Variants in GLIS3 observed in about 807,000 individuals in gnomAD.
GLIS3 encodes GLIS family zinc finger 3, also known as zinc finger protein GLIS3.
In GLIS3, 53 loss-of-function variants were observed where a neutral mutation model predicts 78.6. The observed-to-expected ratio is 0.67, with a 90% CI of 0.54 to 0.85. The LOEUF (loss-of-function observed/expected upper bound fraction) is 0.85. Among genes scored for constraint, GLIS3 ranks in the 40% least tolerant of loss-of-function variants. GLIS3 has a pLI of 0.00. For synonymous variants in GLIS3, 684 were observed against 509.9 expected (o/e 1.34, Z -4.60); for missense variants, 1,703 against 1,231.1 (o/e 1.38, Z -5.74).
intron 4 of GLIS3, among the ~76,000 whole-genome samples, chr9:4,308,366 G>C (rs1817282315): frequency 6.6e-6 from 1 of 152,142 alleles, no homozygotes. Context: ...CAGAGGGAAG[G>C]AATGAAGGAG....
chr9:3,850,965 G>A (rs574968520), intron 9 of GLIS3, among the ~76,000 whole-genome samples: 2 of 152,168 alleles, frequency 1.3e-5, no homozygotes, highest in Non-Finnish European at 2.9e-5. Context: ...GAATAAATCA[G>A]GTGCCTTTTG....
In GLIS3 at chr9:3,828,368, C is replaced by G. The variant is rs778060706; in HGVS notation, c.2697G>C (p.Glu899Asp). 7 of 1,613,844 alleles carry G rather than the reference C, an allele frequency of 4.3e-6. No individual in the cohort carries two copies. Among genetic ancestry groups the G allele is most frequent in the East Asian group, 4.5e-5 (2 of 44,872 alleles). ...LPSSSSSLFG[E>D]SLRSGAEDAT... is the part of the protein sequence containing the mutation. ...CATCTTCAGCCCCGCTGCGGAGAGACTCCCCAAAGAGGCTCGAGGAACTTG... is the reference window on the plus strand; with the variant it reads ...CATCTTCAGCCCCGCTGCGGAGAGAGTCCCCAAAGAGGCTCGAGGAACTTG... Residue 899 changes from glutamate (E) to aspartate (D), a missense_variant, in exon 11 of 11, where the codon GAG becomes GAC. Physicochemically the swap from Glu to Asp is conservative, Grantham distance 45 (BLOSUM62 2). Coordinates refer to ENST00000381971, the MANE Select transcript of GLIS3 (RefSeq NM_001042413.2).
chr9:4,424,724 T>C, the GLIS3 span, among the ~76,000 whole-genome samples: 1 of 152,146 alleles, frequency 6.6e-6, no homozygotes, highest in African/African-American at 2.4e-5. Context: ...CCCTCATGCC[T>C]GGCTAATGTT....
the GLIS3 span, among the ~76,000 whole-genome samples, chr9:4,400,030 G>C: frequency 2.6e-5 from 4 of 152,208 alleles, no homozygotes; most frequent in East Asian, 5.8e-4. Flanking sequence ...CAAGGCCACA[G>C]GGCAAGCAGG....
At chr9:3,950,573 T>G (rs1307343069) in intron 4 of GLIS3, among the ~76,000 whole-genome samples, 2 of 152,254 alleles carry the variant, frequency 1.3e-5, no homozygotes, top group African/African-American at 4.8e-5. Flanking sequence ...TGTTTCCTTC[T>G]TATTTGCCTG....
the GLIS3 span, among the ~76,000 whole-genome samples, chr9:4,423,456 C>G: frequency 5.9e-5 from 9 of 152,176 alleles, no homozygotes; most frequent in East Asian, 1.4e-3. Context: ...ACCCCTCCCC[C>G]AGACCTTTAG....
At chr9:4,091,942 A>C (rs1252402174) in intron 4 of GLIS3, among the ~76,000 whole-genome samples, 1 of 152,156 alleles carries the variant, frequency 6.6e-6, no homozygotes, top group African/African-American at 2.4e-5. Flanking sequence ...ATAAAAAAAA[A>C]TGATACACTT....
At chr9:4,024,228 A>G (rs1823122047) in intron 4 of GLIS3, among the ~76,000 whole-genome samples, 2 of 152,312 alleles carry the variant, frequency 1.3e-5, no homozygotes, top group Middle Eastern at 6.8e-3. Context: ...GAGACTGTAC[A>G]GTGAATTAAA....
chr9:4,458,272 G>A, the GLIS3 span, among the ~76,000 whole-genome samples: 461 of 152,310 alleles, frequency 3.0e-3, 4 homozygotes, highest in African/African-American at 0.011. Context: ...GGGCCCAACT[G>A]CATGGCATGC....
At chr9:4,339,252 T>C (rs117607976) in intron 2 of GLIS3, among the ~76,000 whole-genome samples, 1 of 152,312 alleles carries the variant, frequency 6.6e-6, no homozygotes, top group Non-Finnish European at 1.5e-5. Flanking sequence ...CTGAAGTGAA[T>C]TGATCTGTTG....
chr9:4,108,080 G>C (rs1830914068), intron 4 of GLIS3, among the ~76,000 whole-genome samples: 1 of 152,148 alleles, frequency 6.6e-6, no homozygotes, highest in East Asian at 1.9e-4. Flanking sequence ...AAGAGAGTCT[G>C]AATCTCAAAT....
At chr9:3,896,410 AT>A (rs1201421244) in intron 7 of GLIS3, among the ~76,000 whole-genome samples, 64 of 152,216 alleles carry the variant, frequency 4.2e-4, no homozygotes, top group African/African-American at 1.5e-3. Flanking sequence ...CATGCCTGTA[AT>A]CCCAGCACTT....
At chr9:3,922,411 C>T (rs531052691) in intron 6 of GLIS3, among the ~76,000 whole-genome samples, 1 of 152,298 alleles carries the variant, frequency 6.6e-6, no homozygotes, top group African/African-American at 2.4e-5. Context: ...ACAAGACTTA[C>T]AATCAATGGT....
chr9:4,059,856 G>GAGAGAGAGAGAC (rs1563998489), intron 4 of GLIS3, among the ~76,000 whole-genome samples: 3 of 151,326 alleles, frequency 2.0e-5, no homozygotes, highest in African/African-American at 7.3e-5. Context: ...GAGAGAGAGA[G>GAGAGAGAGAGAC]AGAGAGAGAG....
chr9:4,254,848 A>G (rs2129926133), intron 2 of GLIS3, among the ~76,000 whole-genome samples: 1 of 152,088 alleles, frequency 6.6e-6, no homozygotes, highest in African/African-American at 2.4e-5. Flanking sequence ...TCAAAAAAAA[A>G]AAAAAAAGAA....
chr9:4,448,023 A>G, the GLIS3 span, among the ~76,000 whole-genome samples: 2 of 152,160 alleles, frequency 1.3e-5, no homozygotes, highest in African/African-American at 2.4e-5. Flanking sequence ...AAGAGTTGAG[A>G]TTACAGTCAT....
At chr9:4,365,132 G>C in the GLIS3 span, among the ~76,000 whole-genome samples, 1 of 151,776 alleles carries the variant, frequency 6.6e-6, no homozygotes, top group Non-Finnish European at 1.5e-5. Flanking sequence ...TCAGAAAACA[G>C]TACTTCCAGT....
intron 4 of GLIS3, among the ~76,000 whole-genome samples, chr9:4,107,546 ACT>A (rs1212189385): frequency 4.6e-5 from 7 of 151,786 alleles, no homozygotes; most frequent in African/African-American, 1.5e-4. Context: ...CAAGAAATAA[ACT>A]CTTATCATAG....
At chr9:3,888,371 C>G (rs775943334) in intron 7 of GLIS3, among the ~76,000 whole-genome samples, 2 of 152,216 alleles carry the variant, frequency 1.3e-5, no homozygotes, top group African/African-American at 4.8e-5. Flanking sequence ...CCCACCCACT[C>G]TACTTTCACG....
Sources: gnomAD v4.1 joint callset for allele counts (sites outside exome capture counted in the v4.1 genomes callset) on GRCh38, gnomAD v4.1.1 for gene constraint, MANE v1.5 for transcripts, NCBI Gene and HGNC (gene_info 2026-07-23, HGNC 2026-07-21) for gene names.